The following MACC1 variants were observed in gnomAD, a reference collection of about 807,000 sequenced individuals.
The protein encoded by MACC1 is metastasis-associated in colon cancer protein 1.
A neutral mutation model predicts 70.7 loss-of-function variants in MACC1; 79 were observed. The ratio of observed to expected loss-of-function variants is 1.12; its 90% confidence interval spans 0.93 to 1.35. The LOEUF (loss-of-function observed/expected upper bound fraction) is 1.35. Among genes scored for constraint, MACC1 ranks in the 40% most tolerant of loss-of-function variants. MACC1 has a pLI of 0.00. For missense variants in MACC1, 1,106 were observed against 978.1 expected, an observed-to-expected ratio of 1.13 and a Z score of -1.74; for synonymous variants, 361 against 347.2, an observed-to-expected ratio of 1.04 and a Z score of -0.44.
At chr7:20,174,246 T>C (rs941851375) in intron 1 of MACC1, among the ~76,000 whole-genome samples, 5 of 152,194 alleles carry the variant, frequency 3.3e-5, no homozygotes, top group African/African-American at 1.2e-4. Flanking sequence ...AGATGACAGC[T>C]CATCTGTAAG....
intron 1 of MACC1, among the ~76,000 whole-genome samples, chr7:20,178,788 T>A (rs1447019737): frequency 6.6e-6 from 1 of 152,088 alleles, no homozygotes; most frequent in East Asian, 1.9e-4. Context: ...TTAGTAGACA[T>A]GGGGTTTCTC....
At chr7:20,188,404 C>A (rs886810912) in intron 1 of MACC1, among the ~76,000 whole-genome samples, 1 of 152,178 alleles carries the variant, frequency 6.6e-6, no homozygotes, top group South Asian at 2.1e-4. Flanking sequence ...TCCTGCTCAT[C>A]GACTCAAAGA....
At chr7:20,178,166 TCTTA>T (rs1341209536) in intron 1 of MACC1, among the ~76,000 whole-genome samples, 2 of 152,132 alleles carry the variant, frequency 1.3e-5, no homozygotes, top group Non-Finnish European at 2.9e-5. Context: ...ATTTTATGTT[TCTTA>T]CTAATACTCT....
chr7:20,179,149 C>T (rs1167977162), intron 1 of MACC1, among the ~76,000 whole-genome samples: 1 of 152,080 alleles, frequency 6.6e-6, no homozygotes, highest in South Asian at 2.1e-4. Context: ...TATTAGGTTT[C>T]CATTACTATG....
chr7:20,182,986 G>A (rs1782533209), intron 1 of MACC1, among the ~76,000 whole-genome samples: 2 of 152,160 alleles, frequency 1.3e-5, no homozygotes, highest in African/African-American at 4.8e-5. Flanking sequence ...AATTTGACGA[G>A]TGGGGTAGCC....
In MACC1 at chr7:20,191,919, T is replaced by C. The variant is rs556639169; in HGVS notation, c.-217-21141A>G. Among the ~76,000 whole-genome samples, 144 of 152,346 alleles carry C rather than the reference T, an allele frequency of 9.5e-4. No individual in the cohort carries two copies. In the Middle Eastern group the frequency reaches 0.014, roughly 14 times the overall value. On this transcript the variant is annotated intron_variant, in intron 1 of 6. Transcript: ENST00000400331. ...CTGTAGTATTTATTTAGGACGACTA[T>C]GCCTAAAGTTGCTAATGGAAATTTG...
chr7:20,188,458 T>C (rs975626240), intron 1 of MACC1, among the ~76,000 whole-genome samples: 2 of 152,156 alleles, frequency 1.3e-5, no homozygotes, highest in Non-Finnish European at 2.9e-5. Context: ...TACAAGTGTA[T>C]TTTCCTCTAT....
At chr7:20,192,216 A>T (rs542199413) in intron 1 of MACC1, among the ~76,000 whole-genome samples, 17 of 152,286 alleles carry the variant, frequency 1.1e-4, no homozygotes, top group African/African-American at 4.1e-4. Context: ...AAATTCCAAT[A>T]TAGGGTATTA....
Position 20,139,295 on chromosome 7 carries a change from T to C in MACC1, c.*1651A>G, listed in dbSNP as rs1439418771. On this transcript the variant is annotated 3_prime_UTR_variant, in exon 7 of 7. Coordinates refer to ENST00000400331, the MANE Select transcript of MACC1 (RefSeq NM_182762.4). The stretch of plus-strand genomic sequence containing the variant: ...ATTCAGCTCCCACCCATCTAAGAGC[T>C]TCAGTGCTTTGTGGGATCACCGCTT... 1 of 152,184 alleles carries C rather than the reference T, an allele frequency of 6.6e-6. No individual in the cohort carries two copies. Among genetic ancestry groups the C allele is most frequent in the Non-Finnish European group, 1.5e-5 (1 of 68,066 alleles). 9.4% of individuals were successfully genotyped at this position (152,184 alleles called of 1,614,324 possible).
rs1202005090 is a variant in MACC1, at chr7:20,140,854, G to GACAC, written c.*88_*91dup. 2.4e-6 allele frequency: 2 copies of GACAC among 819,646 alleles called. No individual in the cohort carries two copies. Among genetic ancestry groups the GACAC allele is most frequent in the African/African-American group, 2.1e-5 (1 of 47,656 alleles). The allele number at this position is 819,646 out of a possible 1,614,324, so 50.8% of individuals were successfully genotyped here. A position where few individuals can be genotyped will look rare whatever the true frequency, so the allele number is the denominator to read the frequency against. On this transcript the variant is annotated 3_prime_UTR_variant, in exon 7 of 7. Transcript: ENST00000400331. ...ACACACACACAGACACACACACACAGACACACAGAGACACACACAGACACA... is the reference window on the plus strand; with the variant it reads ...ACACACACACAGACACACACACACAGACACACACACAGAGACACACACAGACACA...
chr7:20,149,534 C>G (rs542648100), intron 6 of MACC1, among the ~76,000 whole-genome samples: 4 of 152,228 alleles, frequency 2.6e-5, no homozygotes, highest in Admixed American at 2.6e-4. Flanking sequence ...GTAATTTGCC[C>G]AAGGCTTGAG....
intron 6 of MACC1, among the ~76,000 whole-genome samples, chr7:20,147,013 T>C (rs936044592): frequency 3.3e-5 from 5 of 152,216 alleles, no homozygotes; most frequent in Non-Finnish European, 5.9e-5. Context: ...TGAGTAAGTA[T>C]TTAACATACA....
intron 4 of MACC1, 42 bp downstream of exon 4, chr7:20,161,706 A>G (rs2128103120): frequency 1.7e-6 from 2 of 1,202,452 alleles, no homozygotes; most frequent in Non-Finnish European, 1.2e-6. Context: ...TGAATTTCAT[A>G]TACTTACATG....
chr7:20,216,898 TTATC>T (rs1182073475), intron 1 of MACC1, among the ~76,000 whole-genome samples: 1 of 152,194 alleles, frequency 6.6e-6, no homozygotes, highest in Non-Finnish European at 1.5e-5. Flanking sequence ...GATTGCAACT[TTATC>T]TATCTTCAAA....
intron 6 of MACC1, among the ~76,000 whole-genome samples, chr7:20,147,751 G>A (rs1781914777): frequency 6.6e-6 from 1 of 152,176 alleles, no homozygotes; most frequent in South Asian, 2.1e-4. Flanking sequence ...ATTTGGGTGA[G>A]AATAACCACT....
rs550260636 is a variant in MACC1 at position 20,168,275 on chromosome 7, AT to A, written c.-153+2438del. Among the ~76,000 whole-genome samples the A allele has an allele frequency of 7.3e-4, 107 of 147,508 alleles. No individual in the cohort carries two copies. The South Asian group carries it at 0.021, about 29-fold the overall frequency. ...ATTATTCTTCAGTAAAAAAAAAAAAATTTAAAAACAAAATAAGTGAATAAAT... is the reference window on the plus strand; with the variant it reads ...ATTATTCTTCAGTAAAAAAAAAAAAATTAAAAACAAAATAAGTGAATAAAT... On this transcript the variant is annotated intron_variant, in intron 2 of 6. Coordinates refer to ENST00000400331, the MANE Select transcript of MACC1 (RefSeq NM_182762.4).
chr7:20,216,442 G>T (rs999014788), intron 1 of MACC1, among the ~76,000 whole-genome samples: 2 of 151,748 alleles, frequency 1.3e-5, no homozygotes, highest in Admixed American at 6.6e-5. Flanking sequence ...TTACATTATT[G>T]TACAGTCTCC....
intron 1 of MACC1, among the ~76,000 whole-genome samples, chr7:20,172,193 A>G (rs1347624256): frequency 6.6e-6 from 1 of 152,210 alleles, no homozygotes; most frequent in Non-Finnish European, 1.5e-5. Flanking sequence ...TAACAGCAGG[A>G]ATAAAAGGAA....
At chr7:20,188,671 A>G (rs57815400) in intron 1 of MACC1, among the ~76,000 whole-genome samples, 22,774 of 151,944 alleles carry the variant, frequency 0.15, 1,957 homozygotes, top group African/African-American at 0.22. Context: ...AACACCTTCT[A>G]TTAATTTTCA....
Sources: gnomAD v4.1 joint callset for allele counts (sites outside exome capture counted in the v4.1 genomes callset) on GRCh38, gnomAD v4.1.1 for gene constraint, MANE v1.5 for transcripts, NCBI Gene and HGNC (gene_info 2026-07-23, HGNC 2026-07-21) for gene names.